Variants in TMEM245 observed in about 807,000 individuals in gnomAD.
TMEM245 encodes protein CG-2.
Under a neutral mutation model 101.2 loss-of-function variants are expected in TMEM245, and 69 were observed. The ratio of observed to expected loss-of-function variants is 0.68; its 90% confidence interval spans 0.56 to 0.83. The LOEUF is 0.83. Among genes scored for constraint, TMEM245 ranks in the 40% least tolerant of loss-of-function variants. TMEM245 has a pLI of 0.00. For missense variants in TMEM245, 1,075 were observed against 1,092.8 expected, an observed-to-expected ratio of 0.98 and a Z score of 0.23; for synonymous variants, 537 against 449.8, an observed-to-expected ratio of 1.19 and a Z score of -2.45.
At chr9:109,076,975 T>C (rs370331001) in intron 8 of TMEM245, among the ~76,000 whole-genome samples, 1 of 152,144 alleles carries the variant, frequency 6.6e-6, no homozygotes, top group Admixed American at 6.5e-5. Context: ...ATAACAGGTG[T>C]GTACCACTGT....
chr9:109,088,301 G>A (rs1371300288), intron 5 of TMEM245, among the ~76,000 whole-genome samples: 1 of 152,130 alleles, frequency 6.6e-6, no homozygotes, highest in Non-Finnish European at 1.5e-5. Context: ...AGCCCTAAAA[G>A]AACTCCTATA....
rs532567547 is a variant in TMEM245, at chr9:109,073,867, T to G, written c.1450-429A>C. Reference sequence around the variant, plus strand: ...AACTTTTTTTTTTTGTTTTTTTTTTTTTTTTTTTAGCCAGGTTCTCGCTCT... The same window carrying G: ...AACTTTTTTTTTTTGTTTTTTTTTTGTTTTTTTTAGCCAGGTTCTCGCTCT... On this transcript the variant is annotated intron_variant, in intron 8 of 17. Coordinates refer to ENST00000374586, the MANE Select transcript of TMEM245 (RefSeq NM_032012.4). Among the ~76,000 whole-genome samples, 88 of 149,444 alleles carry G rather than the reference T, an allele frequency of 5.9e-4. 1 individual carries two copies. The highest frequency in any genetic ancestry group is 1.9e-3 in the African/African-American group (79 of 40,586).
At chr9:109,085,920 A>G (rs1486318307) in intron 7 of TMEM245, 77 bp downstream of exon 7, 1 of 1,497,028 alleles carries the variant, frequency 6.7e-7, no homozygotes, top group African/African-American at 1.4e-5. Context: ...ACATGGACAG[A>G]AACATAGAGT....
chr9:109,096,597 T>C (rs1033713215), intron 3 of TMEM245, among the ~76,000 whole-genome samples: 5 of 152,128 alleles, frequency 3.3e-5, no homozygotes, highest in African/African-American at 1.2e-4. Flanking sequence ...CCAGGAGGGA[T>C]CTCTTAGGCC....
chr9:109,057,925 CT>C lies in TMEM245; in HGVS notation c.1723-604del, dbSNP rs35332085. 5.1e-3 allele frequency among the ~76,000 whole-genome samples: 580 copies of C among 112,728 alleles called. 4 individuals are homozygous for C. The highest frequency in any genetic ancestry group is 0.014 in the African/African-American group (426 of 31,486). 74.0% of individuals were successfully genotyped at this position (112,728 alleles called of 152,430 possible). ...CAACACACTAAACAGCATTTACTTTCTTTTTTTTTTTTTTTTTTTAGTTTTT... is the reference window on the plus strand; with the variant it reads ...CAACACACTAAACAGCATTTACTTTCTTTTTTTTTTTTTTTTTTAGTTTTT... On this transcript the variant is annotated intron_variant, in intron 11 of 17. Coordinates refer to ENST00000374586, the MANE Select transcript of TMEM245 (RefSeq NM_032012.4).
chr9:109,086,491 T>C (rs1829842067), intron 6 of TMEM245, among the ~76,000 whole-genome samples: 1 of 152,234 alleles, frequency 6.6e-6, no homozygotes, highest in Non-Finnish European at 1.5e-5. Context: ...ACACTTTTCC[T>C]ACACAAATTC....
At chr9:109,058,161 T>C (rs1828902435) in intron 11 of TMEM245, among the ~76,000 whole-genome samples, 1 of 151,368 alleles carries the variant, frequency 6.6e-6, no homozygotes, top group South Asian at 2.1e-4. Context: ...CCACAACGCC[T>C]GGCTAATTTT....
chr9:109,097,614 T>C (rs760808446), intron 3 of TMEM245, among the ~76,000 whole-genome samples: 1 of 152,128 alleles, frequency 6.6e-6, no homozygotes, highest in Non-Finnish European at 1.5e-5. Context: ...GAGAATGAAG[T>C]GAAATAATAC....
intron 3 of TMEM245, among the ~76,000 whole-genome samples, chr9:109,098,253 A>G (rs1333943425): frequency 6.6e-6 from 1 of 152,218 alleles, no homozygotes; most frequent in Admixed American, 6.5e-5. Context: ...ATAACTCTCC[A>G]ACTTGCTAAT....
At chr9:109,108,793 T>A (rs898846821) in intron 1 of TMEM245, among the ~76,000 whole-genome samples, 1 of 152,168 alleles carries the variant, frequency 6.6e-6, no homozygotes, top group East Asian at 1.9e-4. Flanking sequence ...TATTAAATAG[T>A]TGTTTAACAA....
At chr9:109,086,924 T>C (rs1027728934) in intron 6 of TMEM245, among the ~76,000 whole-genome samples, 4 of 152,204 alleles carry the variant, frequency 2.6e-5, no homozygotes, top group African/African-American at 9.7e-5. Context: ...CCTAATATAA[T>C]GAAGGAATTA....
rs536125059 is a variant in TMEM245, at chr9:109,092,173, T to C, written c.917-1018A>G. 1.2e-4 allele frequency among the ~76,000 whole-genome samples: 18 copies of C among 152,372 alleles called. 1 individual carries two copies. In the South Asian group the frequency reaches 3.5e-3, roughly 30 times the overall value. ...CACCAGAGCTAAGACCTTGTCTGTTTTGTTCTCCCTCCACTGAATTCCTGG... is the reference window on the plus strand; with the variant it reads ...CACCAGAGCTAAGACCTTGTCTGTTCTGTTCTCCCTCCACTGAATTCCTGG... On this transcript the variant is annotated intron_variant, in intron 4 of 17. Transcript: ENST00000374586.
At chr9:109,111,724 A>T (rs557786294) in intron 1 of TMEM245, among the ~76,000 whole-genome samples, 1 of 152,320 alleles carries the variant, frequency 6.6e-6, no homozygotes, top group East Asian at 1.9e-4. Context: ...ATCTCCAAAA[A>T]TTGAGTAATT....
chr9:109,050,234 G>C, intron 14 of TMEM245, 49 bp downstream of exon 14: 6 of 1,604,226 alleles, frequency 3.7e-6, no homozygotes, highest in Non-Finnish European at 5.1e-6. Flanking sequence ...GGCTTATCAT[G>C]GAAAAAAAGT....
At position 109,070,262 on chromosome 9, in the gene TMEM245, T is replaced by G. The variant is rs1204750082; in HGVS notation, c.1532+3094A>C. On this transcript the variant is annotated intron_variant, in intron 9 of 17. Transcript: ENST00000374586. ...CCCCATCTCTCCTGAACCGCATACC[T>G]ACATAGTCAACAGCCTACTGGATGC... 2.6e-5 allele frequency among the ~76,000 whole-genome samples: 4 copies of G among 152,250 alleles called. No homozygotes were observed. In the South Asian group the frequency reaches 6.2e-4, roughly 24 times the overall value.
chr9:109,053,886 C>T (rs915850667), intron 12 of TMEM245, among the ~76,000 whole-genome samples: 12 of 152,174 alleles, frequency 7.9e-5, no homozygotes, highest in African/African-American at 2.7e-4. Context: ...CTCTGTCTGC[C>T]TCAGAGACTT....
At chr9:109,093,042 G>A (rs536212721) in intron 4 of TMEM245, among the ~76,000 whole-genome samples, 184 of 152,294 alleles carry the variant, frequency 1.2e-3, no homozygotes, top group African/African-American at 4.3e-3. Context: ...ACAACAGGAA[G>A]AGATAGGGCA....
At chr9:109,056,440 C>CCA (rs1828838835) in intron 12 of TMEM245, among the ~76,000 whole-genome samples, 1 of 36,768 alleles carries the variant, frequency 2.7e-5, no homozygotes, top group African/African-American at 8.8e-5. Flanking sequence ...ACTAAAAATG[C>CCA]AAAAAAAAAA....
chr9:109,057,311 G>A lies in TMEM245; in HGVS notation c.1734C>T (p.His578=), dbSNP rs1564183915. 2 of 1,614,000 alleles carry A rather than the reference G, an allele frequency of 1.2e-6. No homozygotes were observed. Among genetic ancestry groups the A allele is most frequent in the East Asian group, 2.2e-5 (1 of 44,868 alleles). The change falls in exon 12 of 18, where the codon CAC becomes CAT. Residue 578 remains histidine (H), a synonymous_variant. Coordinates refer to ENST00000374586, the MANE Select transcript of TMEM245 (RefSeq NM_032012.4). ...YHSWFVKNVT[H]SGRHKGQKLH... ...ACTTCTGTCCTTTGTGCCTTCCAGA[G>A]TGTGTTACATTCTATGGAATAAAAC...
Sources: allele counts gnomAD v4.1 joint callset (sites outside exome capture counted in the v4.1 genomes callset), GRCh38; gene constraint gnomAD v4.1.1; transcripts MANE v1.5; gene names NCBI Gene and HGNC (gene_info 2026-07-23, HGNC 2026-07-21).